The following CNTNAP2 variants were observed in gnomAD, a reference collection of about 807,000 sequenced individuals.
CNTNAP2 encodes the protein contactin-associated protein-like 2.
Under a neutral mutation model 155.2 loss-of-function variants are expected in CNTNAP2, and 98 were observed. The ratio of observed to expected loss-of-function variants is 0.63; its 90% CI spans 0.54 to 0.75. CNTNAP2 has a LOEUF of 0.75. CNTNAP2 is among the 30% of genes least tolerant of loss of function. The probability of loss-of-function intolerance (pLI) is 0.00; values close to 1 mark genes in which losing one functional copy is unlikely to be tolerated. For synonymous variants in CNTNAP2, 651 were observed against 631.2 expected (o/e 1.03, Z -0.47); for missense variants, 1,727 against 1,688.1 (o/e 1.02, Z -0.40).
At chr7:147,658,066 C>A (rs2116949058) in intron 13 of CNTNAP2, among the ~76,000 whole-genome samples, 1 of 146,332 alleles carries the variant, frequency 6.8e-6, no homozygotes, top group Admixed American at 7.3e-5. Flanking sequence ...ACCATCCCGG[C>A]AAAAATGGTG....
intron 2 of CNTNAP2, among the ~76,000 whole-genome samples, chr7:146,824,088 C>A (rs1226198317): frequency 2.0e-5 from 3 of 152,088 alleles, no homozygotes; most frequent in Non-Finnish European, 2.9e-5. Flanking sequence ...TTCCTGTGTC[C>A]ATCTGTTCTC....
intron 3 of CNTNAP2, chr7:146,963,180 T>C (rs1220955461): frequency 6.6e-6 from 1 of 152,198 alleles, no homozygotes; most frequent in African/African-American, 2.4e-5. Context: ...AAATAAAGAA[T>C]TCAAATGAAA....
intron 3 of CNTNAP2, among the ~76,000 whole-genome samples, chr7:146,996,985 T>C (rs1320055644): frequency 3.9e-5 from 6 of 152,132 alleles, no homozygotes; most frequent in South Asian, 2.1e-4. Context: ...TCTTGCCTGC[T>C]GCCATGTAAG....
chr7:146,373,210 A>T (rs1795260525), intron 1 of CNTNAP2, among the ~76,000 whole-genome samples: 1 of 152,148 alleles, frequency 6.6e-6, no homozygotes, highest in Non-Finnish European at 1.5e-5. Flanking sequence ...TAAGTAACTA[A>T]CTAACGTTTA....
chr7:147,128,717 T>G lies in CNTNAP2; in HGVS notation c.964T>G (p.Ser322Ala), dbSNP rs1255881208. Residue 322 changes from serine (S) to alanine (A), a missense_variant, in exon 7 of 24, where the codon TCT becomes GCT. Coordinates refer to ENST00000361727, the MANE Select transcript of CNTNAP2 (RefSeq NM_014141.6). ...YEITFGGIPF[S>A]GKPSSSSRKN... The stretch of plus-strand genomic sequence containing the variant: ...GATAACCTTTGGAGGCATCCCTTTC[T>G]CTGGCAAGCCCAGCTCCAGCAGTAG... 6.2e-7 allele frequency: 1 copy of G among 1,613,972 alleles called. No individual in the cohort carries two copies. Among genetic ancestry groups the G allele is most frequent in the African/African-American group, 1.3e-5 (1 of 74,934 alleles).
Position 147,213,958 on chromosome 7 carries a change from C to T in CNTNAP2, c.1348+81449C>T, listed in dbSNP as rs73457352. The stretch of plus-strand genomic sequence containing the variant: ...GGCATCACCTTTTTGTGCTTATCCT[C>T]GTCCTCAGATGATTGAATGGTGCCC... On this transcript the variant is annotated intron_variant, in intron 8 of 23. Transcript: ENST00000361727. Among the ~76,000 whole-genome samples the T allele has an allele frequency of 4.2e-3, 640 of 152,156 alleles. 4 individuals are homozygous for T. Among genetic ancestry groups the T allele is most frequent in the African/African-American group, 0.015 (612 of 41,534 alleles).
chr7:146,784,375 G>A (rs189217725), intron 2 of CNTNAP2, among the ~76,000 whole-genome samples: 2 of 152,158 alleles, frequency 1.3e-5, no homozygotes, highest in Admixed American at 6.5e-5. Flanking sequence ...GGAAGTTTGC[G>A]AATAATTCAT....
chr7:147,504,334 A>G (rs1030939257), intron 11 of CNTNAP2, among the ~76,000 whole-genome samples: 3 of 152,230 alleles, frequency 2.0e-5, no homozygotes, highest in South Asian at 2.1e-4. Context: ...AGGGCTCCCA[A>G]GGGGTCTTGG....
At position 146,353,234 on chromosome 7, in the gene CNTNAP2, T is replaced by A. The variant is rs139532353; in HGVS notation, c.97+236261T>A. On this transcript the variant is annotated intron_variant, in intron 1 of 23. Coordinates refer to ENST00000361727, the MANE Select transcript of CNTNAP2 (RefSeq NM_014141.6). ...GTACATATTAATGCCTCCTCCTCAC[T>A]GAGTCTCATGCTTAGTCCTCATCTT... Among the ~76,000 whole-genome samples, 827 of 152,340 alleles carry A rather than the reference T, an allele frequency of 5.4e-3. 6 individuals carry two copies. Among genetic ancestry groups the A allele is most frequent in the African/African-American group, 0.019 (778 of 41,582 alleles).
chr7:146,432,368 GTC>G (rs1252784855), intron 1 of CNTNAP2, among the ~76,000 whole-genome samples: 1 of 151,894 alleles, frequency 6.6e-6, no homozygotes, highest in Non-Finnish European at 1.5e-5. Flanking sequence ...TTACTTTCTT[GTC>G]TTAGGAAATT....
At chr7:147,451,130 C>T (rs552807555) in intron 10 of CNTNAP2, among the ~76,000 whole-genome samples, 2 of 152,248 alleles carry the variant, frequency 1.3e-5, no homozygotes, top group African/African-American at 4.8e-5. Flanking sequence ...ATATACGGGT[C>T]CTTTGTTGAG....
rs1321835753 is a variant in CNTNAP2 at position 146,638,483 on chromosome 7, T to C, written c.98-135788T>C. 5.1e-5 allele frequency among the ~76,000 whole-genome samples: 5 copies of C among 98,790 alleles called. 1 individual carries two copies. Among genetic ancestry groups the C allele is most frequent in the African/African-American group, 1.7e-4 (4 of 23,594 alleles). The allele number at this position is 98,790 out of a possible 152,430, so 64.8% of individuals were successfully genotyped here. On this transcript the variant is annotated intron_variant, in intron 1 of 23. Transcript: ENST00000361727. ...TAATACAGTCAGGTGTTTCTTTTTTTTTTTTTTTTTTTTTTCTTTGAGATG... is the reference window on the plus strand; with the variant it reads ...TAATACAGTCAGGTGTTTCTTTTTTCTTTTTTTTTTTTTTTCTTTGAGATG...
chr7:148,026,767 C>A (rs1802383382), intron 15 of CNTNAP2, among the ~76,000 whole-genome samples: 1 of 152,256 alleles, frequency 6.6e-6, no homozygotes, highest in South Asian at 2.1e-4. Context: ...GAACCCTAAT[C>A]CTCTTGCTAC....
At chr7:146,799,102 C>G (rs1275195786) in intron 2 of CNTNAP2, among the ~76,000 whole-genome samples, 1 of 152,124 alleles carries the variant, frequency 6.6e-6, no homozygotes, top group African/African-American at 2.4e-5. Flanking sequence ...TGTGTCCAGA[C>G]TGTATTTGCT....
intron 13 of CNTNAP2, among the ~76,000 whole-genome samples, chr7:147,870,573 G>A (rs1215562880): frequency 6.6e-6 from 1 of 152,202 alleles, no homozygotes; most frequent in Non-Finnish European, 1.5e-5. Context: ...CATAAACCTT[G>A]TGGCAGAGAA....
chr7:146,945,390 G>T (rs563739179), intron 3 of CNTNAP2, among the ~76,000 whole-genome samples: 4 of 152,190 alleles, frequency 2.6e-5, no homozygotes, highest in African/African-American at 7.2e-5. Context: ...ATCCATTTCT[G>T]CACCAGGACA....
intron 20 of CNTNAP2, among the ~76,000 whole-genome samples, chr7:148,248,433 A>T (rs1440144518): frequency 6.6e-6 from 1 of 152,070 alleles, no homozygotes; most frequent in Non-Finnish European, 1.5e-5. Context: ...TCCTGACCTC[A>T]TGATCTGCCT....
At chr7:146,341,505 T>A (rs1201651883) in intron 1 of CNTNAP2, among the ~76,000 whole-genome samples, 1 of 152,144 alleles carries the variant, frequency 6.6e-6, no homozygotes, top group Non-Finnish European at 1.5e-5. Context: ...GAAGGAAAGA[T>A]AGAAAAACAG....
intron 21 of CNTNAP2, among the ~76,000 whole-genome samples, chr7:148,291,563 C>T (rs1042053745): frequency 2.0e-4 from 31 of 151,952 alleles, no homozygotes; most frequent in Admixed American, 3.3e-4. Context: ...TAGATGGTGC[C>T]CACCCAGATT....
Sources: allele counts gnomAD v4.1 joint callset (sites outside exome capture counted in the v4.1 genomes callset), GRCh38; gene constraint gnomAD v4.1.1; transcripts MANE v1.5; gene names NCBI Gene and HGNC (gene_info 2026-07-23, HGNC 2026-07-21).